NCAM1: variants seen among roughly 807,000 people sequenced by gnomAD.
NCAM1 encodes the protein antigen recognized by monoclonal antibody 5.1H11.
A neutral mutation model predicts 109.8 loss-of-function variants in NCAM1; 14 were observed. The observed-to-expected ratio is 0.13, with a 90% CI of 0.08 to 0.20. The LOEUF is 0.20. Among genes scored for constraint, NCAM1 ranks in the 10% least tolerant of loss-of-function variants. The probability of loss-of-function intolerance (pLI) is 1.00; values close to 1 mark genes in which losing one functional copy is unlikely to be tolerated. For missense variants in NCAM1, 774 were observed against 1,109.9 expected, an observed-to-expected ratio of 0.70 and a Z score of 4.30; for synonymous variants, 418 against 442.9, an observed-to-expected ratio of 0.94 and a Z score of 0.70.
chr11:112,989,580 A>G (rs1466363767), intron 1 of NCAM1, among the ~76,000 whole-genome samples: 1 of 152,020 alleles, frequency 6.6e-6, no homozygotes, highest in African/African-American at 2.4e-5. Context: ...CATTAATATG[A>G]TTATTTTGAA....
intron 1 of NCAM1, among the ~76,000 whole-genome samples, chr11:113,082,330 G>T (rs1938861480): frequency 1.3e-5 from 2 of 152,192 alleles, no homozygotes. Flanking sequence ...TATGCCCATA[G>T]ACTTGTACGT....
Position 113,233,385 on chromosome 11 carries a change from C to A in NCAM1, c.1693+68C>A. On this transcript the variant is annotated intron_variant, in intron 13 of 19. Transcript: ENST00000316851. This position sits in a 1 kb window ranked among gnomAD's most constrained non-coding sequence, Gnocchi z 4.5. ...CTCAGTACTCAGATGTCCCCACCTG[C>A]CATCCTGGGCATGTTCCTACAGAAT... 6.8e-7 allele frequency: 1 copy of A among 1,474,884 alleles called. No homozygotes were observed. The highest frequency in any genetic ancestry group is 1.4e-5 in the African/African-American group (1 of 71,988). 91.4% of individuals were successfully genotyped at this position (1,474,884 alleles called of 1,614,324 possible).
intron 1 of NCAM1, among the ~76,000 whole-genome samples, chr11:113,139,119 T>TG (rs1262701477): frequency 1.3e-5 from 2 of 152,240 alleles, no homozygotes; most frequent in Non-Finnish European, 2.9e-5. Flanking sequence ...CAGACTGCCT[T>TG]GCTTGCTTGC....
intron 1 of NCAM1, among the ~76,000 whole-genome samples, chr11:113,101,697 T>C (rs1939883152): frequency 6.6e-6 from 1 of 152,210 alleles, no homozygotes; most frequent in African/African-American, 2.4e-5. Context: ...TTTTATTAAG[T>C]AAGAATAGTT....
chr11:113,115,662 T>C (rs1291328644), intron 1 of NCAM1, among the ~76,000 whole-genome samples: 1 of 152,234 alleles, frequency 6.6e-6, no homozygotes, highest in Non-Finnish European at 1.5e-5. Context: ...GCCACAACAA[T>C]GAGATACCTG....
chr11:113,108,547 A>C (rs1940273124), intron 1 of NCAM1, among the ~76,000 whole-genome samples: 1 of 152,148 alleles, frequency 6.6e-6, no homozygotes, highest in African/African-American at 2.4e-5. Flanking sequence ...GTTAGCTGTG[A>C]TTCCTGAGAA....
chr11:113,028,612 A>C (rs905161147), intron 1 of NCAM1, among the ~76,000 whole-genome samples: 1 of 152,228 alleles, frequency 6.6e-6, no homozygotes, highest in Non-Finnish European at 1.5e-5. Flanking sequence ...GTTGCTTTGC[A>C]CTATAGCATT....
At chr11:113,271,518 C>T (rs1946274127) in intron 18 of NCAM1, among the ~76,000 whole-genome samples, 1 of 152,012 alleles carries the variant, frequency 6.6e-6, no homozygotes, top group South Asian at 2.1e-4. Context: ...ATTGAATTCT[C>T]ATAACTAGGC....
chr11:113,105,817 C>G (rs1243682895), intron 1 of NCAM1, among the ~76,000 whole-genome samples: 1 of 152,108 alleles, frequency 6.6e-6, no homozygotes, highest in African/African-American at 2.4e-5. Context: ...TGAAAATGTT[C>G]TAAAATTAGT....
At chr11:113,128,983 T>G (rs944645457) in intron 1 of NCAM1, among the ~76,000 whole-genome samples, 1 of 151,312 alleles carries the variant, frequency 6.6e-6, no homozygotes, top group East Asian at 1.9e-4. Flanking sequence ...TATTAAAAAT[T>G]AATCCTTGGG....
chr11:113,091,443 G>A (rs1481280926), intron 1 of NCAM1, among the ~76,000 whole-genome samples: 1 of 152,160 alleles, frequency 6.6e-6, no homozygotes, highest in Non-Finnish European at 1.5e-5. Context: ...CACTGCTATT[G>A]TTATATCCTT....
intron 8 of NCAM1, among the ~76,000 whole-genome samples, chr11:113,219,224 G>GAGA (rs1369341645): frequency 6.6e-6 from 1 of 152,190 alleles, no homozygotes; most frequent in African/African-American, 2.4e-5. Context: ...ACAAGTAAGA[G>GAGA]AGAACTTTTG....
chr11:112,995,992 C>T (rs1951586260), intron 1 of NCAM1, among the ~76,000 whole-genome samples: 1 of 152,166 alleles, frequency 6.6e-6, no homozygotes. Flanking sequence ...CAAGTCAAAA[C>T]TCCTGGTGGC....
intron 1 of NCAM1, among the ~76,000 whole-genome samples, chr11:113,057,478 A>T (rs1412566863): frequency 1.3e-5 from 2 of 152,154 alleles, no homozygotes; most frequent in Non-Finnish European, 2.9e-5. Context: ...ACATATTTGT[A>T]CTTTAGAGGG....
intron 1 of NCAM1, among the ~76,000 whole-genome samples, chr11:113,185,802 C>T (rs1482867811): frequency 4.6e-5 from 7 of 152,218 alleles, no homozygotes; most frequent in Non-Finnish European, 1.0e-4. Context: ...TGACCCCCCT[C>T]ACCTGGCTGT....
At chr11:113,124,658 C>T (rs1269977559) in intron 1 of NCAM1, among the ~76,000 whole-genome samples, 17 of 152,314 alleles carry the variant, frequency 1.1e-4, no homozygotes, top group African/African-American at 3.4e-4. Context: ...TTTGGAAGGG[C>T]TTTCCTTGGA....
chr11:113,138,711 G>C (rs1941704418), intron 1 of NCAM1, among the ~76,000 whole-genome samples: 1 of 152,144 alleles, frequency 6.6e-6, no homozygotes, highest in Non-Finnish European at 1.5e-5. Flanking sequence ...TTGTACAACG[G>C]TGATAAAAAA....
chr11:113,038,662 A>G (rs537602969), intron 1 of NCAM1, among the ~76,000 whole-genome samples: 20 of 152,326 alleles, frequency 1.3e-4, no homozygotes, highest in Admixed American at 3.9e-4. Context: ...GCTTGGGCCC[A>G]CATTTTGGGA....
Position 113,004,169 on chromosome 11 carries a change from G to A in NCAM1, c.52+42505G>A, listed in dbSNP as rs1044850901. On this transcript the variant is annotated intron_variant, in intron 1 of 19. Coordinates refer to ENST00000316851, the MANE Select transcript of NCAM1 (RefSeq NM_181351.5). ...TATGTTCTTATTTTTCTTCTGCTGT[G>A]TGTACTTACACACACATATATACAC... 7.9e-5 allele frequency among the ~76,000 whole-genome samples: 12 copies of A among 152,174 alleles called. No homozygotes were observed. In the East Asian group the frequency reaches 1.7e-3, roughly 22 times the overall value.
Sources: gnomAD v4.1 joint callset for allele counts (sites outside exome capture counted in the v4.1 genomes callset) on GRCh38, gnomAD v4.1.1 for gene constraint, Gnocchi (gnomAD v3.1) non-coding constraint, MANE v1.5 for transcripts, NCBI Gene and HGNC (gene_info 2026-07-23, HGNC 2026-07-21) for gene names.